Variants in MAPK6 observed in about 807,000 individuals in gnomAD.
MAPK6 encodes the protein ERK-3.
A neutral mutation model predicts 59.3 loss-of-function variants in MAPK6; 19 were observed. That is an observed-to-expected ratio of 0.32 (90% CI 0.22 to 0.47). The LOEUF (loss-of-function observed/expected upper bound fraction) is 0.47, where lower values mean the gene tolerates loss of function less well. Ranked by LOEUF, MAPK6 falls within the 20% of genes least tolerant of loss-of-function variation. The pLI, the probability that MAPK6 is intolerant of heterozygous loss-of-function variation, is 1.00. For missense variants in MAPK6, 724 were observed against 847.9 expected, an observed-to-expected ratio of 0.85 and a Z score of 1.81; for synonymous variants, 316 against 290.3, an observed-to-expected ratio of 1.09 and a Z score of -0.90.
At chr15:51,997,138 C>T (rs527409812) in intron 2 of MAPK6, among the ~76,000 whole-genome samples, 1 of 151,900 alleles carries the variant, frequency 6.6e-6, no homozygotes, top group African/African-American at 2.4e-5. Context: ...CGCCACTACA[C>T]CCAGCTAGTT....
At chr15:52,050,763 TTTTAA>T (rs369529362) in intron 3 of MAPK6, among the ~76,000 whole-genome samples, 61 of 152,320 alleles carry the variant, frequency 4.0e-4, no homozygotes, top group African/African-American at 1.4e-3. Flanking sequence ...TAGCGAAGAA[TTTTAA>T]TTGGGGAAGA....
chr15:52,028,345 C>T (rs964171479), intron 1 of MAPK6, among the ~76,000 whole-genome samples: 2 of 152,012 alleles, frequency 1.3e-5, no homozygotes, highest in African/African-American at 4.8e-5. Context: ...CCTTGGCCTC[C>T]CAAAGTGCTG....
At chr15:52,035,015 A>G (rs2031189855) in intron 1 of MAPK6, among the ~76,000 whole-genome samples, 1 of 152,116 alleles carries the variant, frequency 6.6e-6, no homozygotes, top group South Asian at 2.1e-4. Context: ...TTATCTCTTC[A>G]TATGCTCCTG....
intron 2 of MAPK6, among the ~76,000 whole-genome samples, chr15:51,990,952 TCAAAA>T (rs2057206234): frequency 6.6e-6 from 1 of 151,682 alleles, no homozygotes; most frequent in South Asian, 2.1e-4. Context: ...AGACTCTGTC[TCAAAA>T]CAAACAAACA....
chr15:52,060,820 G>A (rs963430829), intron 4 of MAPK6, among the ~76,000 whole-genome samples: 2 of 152,154 alleles, frequency 1.3e-5, no homozygotes, highest in African/African-American at 4.8e-5. Flanking sequence ...GTGAAGGATG[G>A]GAAAGGGCTT....
chr15:52,057,558 C>A (rs1596009029), intron 3 of MAPK6, among the ~76,000 whole-genome samples: 1 of 149,220 alleles, frequency 6.7e-6, no homozygotes, highest in African/African-American at 2.5e-5. Flanking sequence ...TCCTTTGTCT[C>A]AAAAAAAAAA....
chr15:52,027,408 G>A (rs1269219406), intron 1 of MAPK6, among the ~76,000 whole-genome samples: 1 of 141,252 alleles, frequency 7.1e-6, no homozygotes, highest in Non-Finnish European at 1.5e-5. Context: ...GTAGATGTAA[G>A]TTACCTACCC....
intron 1 of MAPK6, among the ~76,000 whole-genome samples, chr15:51,981,611 T>C (rs898506842): frequency 6.6e-6 from 1 of 152,198 alleles, no homozygotes; most frequent in African/African-American, 2.4e-5. Context: ...AAATATAGGG[T>C]TGGGTTTAGG....
rs1666166159 is a variant in MAPK6, at chr15:52,058,806, A to G, written c.865+9A>G. 2 of 1,603,550 alleles carry G rather than the reference A, an allele frequency of 1.2e-6. No homozygotes were observed. Among genetic ancestry groups the G allele is most frequent in the African/African-American group, 2.7e-5 (2 of 74,660 alleles). ...AGGAATTAGTCGAGAAGGTATTGTG[A>G]CTCGAGAGTAACCCTCACGTTAATG... On this transcript the variant is annotated intron_variant, in intron 4 of 5. Transcript: ENST00000261845.
chr15:52,007,973 A>G (rs2029947691), intron 3 of MAPK6, among the ~76,000 whole-genome samples: 1 of 151,796 alleles, frequency 6.6e-6, no homozygotes, highest in African/African-American at 2.4e-5. Context: ...CAGCCTCCAA[A>G]GTAGCTGGGA....
Position 52,046,812 on chromosome 15 carries a change from G to A in MAPK6, c.352G>A (p.Val118Met). Reference protein sequence around the residue: ...QEYMETDLANVLEQGPLLEEH... With the variant: ...QEYMETDLANMLEQGPLLEEH... ...GTACATGGAGACAGACTTGGCTAATGTGCTGGAGCAGGGCCCTTTACTGGA... is the reference window on the plus strand; with the variant it reads ...GTACATGGAGACAGACTTGGCTAATATGCTGGAGCAGGGCCCTTTACTGGA... The change falls in exon 2 of 6, where the codon GTG becomes ATG. Residue 118 changes from valine (V) to methionine (M), a missense_variant. This residue lies in a region of MAPK6 where 87 missense variants were observed against 93.0 expected (regional missense o/e 0.93). Transcript: ENST00000261845. The A allele has an allele frequency of 6.2e-7, 1 of 1,613,950 alleles. No individual in the cohort carries two copies. Among genetic ancestry groups the A allele is most frequent in the Non-Finnish European group, 8.5e-7 (1 of 1,179,920 alleles).
intron 3 of MAPK6, among the ~76,000 whole-genome samples, chr15:52,007,243 T>C (rs530369516): frequency 1.1e-4 from 16 of 152,282 alleles, no homozygotes; most frequent in African/African-American, 3.8e-4. Context: ...ATATTCTCAC[T>C]TCTCCTGTCC....
At chr15:52,021,425 G>A (rs1360556412) in intron 1 of MAPK6, 1 of 141,534 alleles carries the variant, frequency 7.1e-6, no homozygotes, top group Non-Finnish European at 1.5e-5. Flanking sequence ...AAATGTTCCT[G>A]TCCACATTGA....
chr15:52,054,595 C>T (rs575444402), intron 3 of MAPK6, among the ~76,000 whole-genome samples: 4 of 152,162 alleles, frequency 2.6e-5, no homozygotes, highest in East Asian at 1.9e-4. Flanking sequence ...TCACTAAGTA[C>T]GCTTCATGGT....
rs1241891392 is a variant in MAPK6, at chr15:52,046,565, T to C, written c.105T>C (p.Phe35=). The change falls in exon 2 of 6, where the codon TTT becomes TTC. Residue 35 remains phenylalanine, a synonymous_variant. Coordinates refer to ENST00000261845, the MANE Select transcript of MAPK6 (RefSeq NM_002748.4). ...GTTGTGGAGGCAATGGCTTGGTTTTTTCTGCTGTAGACAATGACTGTGACA... is the reference window on the plus strand; with the variant it reads ...GTTGTGGAGGCAATGGCTTGGTTTTCTCTGCTGTAGACAATGACTGTGACA... ...PLGCGGNGLV[F]SAVDNDCDKR... is the part of the protein sequence containing the mutation. The C allele has an allele frequency of 1.2e-6, 2 of 1,614,060 alleles. No homozygotes were observed. The highest frequency in any genetic ancestry group is 1.3e-5 in the African/African-American group (1 of 74,942).
At chr15:52,047,298 CTTCT>C (rs2031623784) in intron 2 of MAPK6, among the ~76,000 whole-genome samples, 1 of 152,048 alleles carries the variant, frequency 6.6e-6, no homozygotes, top group African/African-American at 2.4e-5. Flanking sequence ...GGAATATACT[CTTCT>C]TTCTTTGGGA....
intron 1 of MAPK6, among the ~76,000 whole-genome samples, chr15:52,044,441 C>T (rs1467587234): frequency 6.6e-6 from 1 of 152,098 alleles, no homozygotes; most frequent in Admixed American, 6.6e-5. Context: ...CAGGTTTGCT[C>T]CTGCCTAGCA....
At chr15:52,013,575 C>A (rs2030151521) in intron 3 of MAPK6, among the ~76,000 whole-genome samples, 1 of 152,182 alleles carries the variant, frequency 6.6e-6, no homozygotes, top group African/African-American at 2.4e-5. Context: ...ACCAAGTCCA[C>A]TTTACCCAAT....
At chr15:51,992,380 C>G (rs562718632) in intron 2 of MAPK6, among the ~76,000 whole-genome samples, 30 of 150,912 alleles carry the variant, frequency 2.0e-4, no homozygotes, top group Admixed American at 4.6e-4. Context: ...CGGCTCACTG[C>G]AAGCTCTGCC....
Sources: allele counts gnomAD v4.1 joint callset (sites outside exome capture counted in the v4.1 genomes callset), GRCh38; gene constraint gnomAD v4.1.1; regional missense constraint gnomAD v4.1.1; transcripts MANE v1.5; gene names NCBI Gene and HGNC (gene_info 2026-07-23, HGNC 2026-07-21).